Variants in TMPRSS11F observed in about 807,000 individuals in gnomAD.
TMPRSS11F encodes the protein transmembrane protease serine 11F.
TMPRSS11F carries 47 observed loss-of-function variants against 60.2 expected under a neutral mutation model. That is an observed-to-expected ratio of 0.78 (90% CI 0.62 to 1.00). The LOEUF is 1.00. Among genes scored for constraint, TMPRSS11F ranks in the 50% least tolerant of loss-of-function variants. The pLI is 0.00. For synonymous variants in TMPRSS11F, 166 were observed against 167.3 expected (o/e 0.99, Z 0.06); for missense variants, 519 against 522.9 (o/e 0.99, Z 0.07).
chr4:68,108,890 C>G (rs923924954), intron 1 of TMPRSS11F, among the ~76,000 whole-genome samples: 1 of 151,960 alleles, frequency 6.6e-6, no homozygotes, highest in Non-Finnish European at 1.5e-5. Context: ...TTTATTTTAC[C>G]CAGGACCTGA....
In TMPRSS11F at chr4:68,068,780, G is replaced by A. The variant is rs567771999; in HGVS notation, c.593C>T (p.Pro198Leu). Residue 198 changes from proline (P) to leucine (L), a missense_variant, in exon 7 of 10, where the codon CCA (proline) becomes CTA (leucine). By Grantham distance (98) the Pro-to-Leu change is moderately conservative. Transcript: ENST00000356291. ...IRMTSSNMPL[P>L]ASSSTQRIVQ... ...AATTCTTTGAGTAGAAGAGGATGCT[G>A]GTAATGGCATGTTTGAAGATGTCAT... 31 of 1,614,182 alleles carry A rather than the reference G, an allele frequency of 1.9e-5. No homozygotes were observed. The African/African-American group carries it at 3.6e-4, about 19-fold the overall frequency.
chr4:68,084,458 G>A (rs1054178818), intron 3 of TMPRSS11F, among the ~76,000 whole-genome samples: 4 of 152,134 alleles, frequency 2.6e-5, no homozygotes, highest in East Asian at 1.9e-4. Context: ...ACCTAATCAG[G>A]CCATCTCAGC....
chr4:68,084,622 C>T (rs575334556), intron 3 of TMPRSS11F, among the ~76,000 whole-genome samples: 8 of 152,252 alleles, frequency 5.3e-5, no homozygotes, highest in South Asian at 4.1e-4. Flanking sequence ...TAAGAGAATT[C>T]GTTACCACTA....
At chr4:68,087,260 C>T (rs1723832284) in intron 3 of TMPRSS11F, among the ~76,000 whole-genome samples, 1 of 152,090 alleles carries the variant, frequency 6.6e-6, no homozygotes, top group Non-Finnish European at 1.5e-5. Context: ...GAATTAAAAA[C>T]AGAATGATCA....
chr4:68,108,609 A>C (rs1273635718), intron 1 of TMPRSS11F, among the ~76,000 whole-genome samples: 1 of 152,196 alleles, frequency 6.6e-6, no homozygotes, highest in Non-Finnish European at 1.5e-5. Context: ...CATGCCATGT[A>C]CCCAATGAGC....
At chr4:68,056,326 T>A (rs1451412573) in intron 9 of TMPRSS11F, among the ~76,000 whole-genome samples, 2 of 152,050 alleles carry the variant, frequency 1.3e-5, no homozygotes, top group African/African-American at 4.8e-5. Flanking sequence ...TTCAGTAAGT[T>A]TGCAGAATAC....
intron 3 of TMPRSS11F, chr4:68,077,729 C>T (rs929979427): frequency 1.3e-5 from 2 of 152,216 alleles, no homozygotes; most frequent in South Asian, 2.1e-4. Context: ...AGTACCAGTA[C>T]GATTCACAAG....
chr4:68,105,049 G>GTTTTTTTTTTTTTTTTTTT (rs34041075), intron 1 of TMPRSS11F, among the ~76,000 whole-genome samples: 1 of 55,168 alleles, frequency 1.8e-5, no homozygotes, highest in Non-Finnish European at 3.1e-5. Context: ...TTCCCTCTAG[G>GTTTTTTTTTTTTTTTTTTT]TTTTTTTTTT....
chr4:68,066,588 G>A (rs1288081358), intron 7 of TMPRSS11F, among the ~76,000 whole-genome samples: 2 of 152,096 alleles, frequency 1.3e-5, no homozygotes, highest in Admixed American at 6.6e-5. Context: ...AGGTTTTAAG[G>A]TTTGTCTTAA....
rs55977674 is a variant in TMPRSS11F, at chr4:68,087,909, C to T, written c.282+2614G>A. 8.9e-3 allele frequency among the ~76,000 whole-genome samples: 1,243 copies of T among 139,250 alleles called. 22 individuals are homozygous for T. The highest frequency in any genetic ancestry group is 0.032 in the African/African-American group (1,181 of 37,354). The allele number at this position is 139,250 out of a possible 152,430, so 91.4% of individuals were successfully genotyped here. On this transcript the variant is annotated intron_variant, in intron 3 of 9. Coordinates refer to ENST00000356291, the MANE Select transcript of TMPRSS11F (RefSeq NM_207407.2). ...AACAGTCCTCAGAGTGTGATGTTCC[C>T]CTTCCTGTGTCCATGTGTTCTCATT...
chr4:68,115,514 C>T lies in TMPRSS11F; in HGVS notation c.11+14296G>A, dbSNP rs79186235. The stretch of plus-strand genomic sequence containing the variant: ...AGCAAGGATGTCTGCTCTTATCACT[C>T]CTATTTGTATTGGAAGTCTTAGCCA... On this transcript the variant is annotated intron_variant, in intron 1 of 9. Transcript: ENST00000356291. 1.8e-4 allele frequency among the ~76,000 whole-genome samples: 27 copies of T among 152,164 alleles called. No homozygotes were observed. The East Asian group carries it at 5.0e-3, about 28-fold the overall frequency.
At chr4:68,095,887 T>G (rs1724064028) in intron 2 of TMPRSS11F, among the ~76,000 whole-genome samples, 1 of 92,268 alleles carries the variant, frequency 1.1e-5, no homozygotes, top group South Asian at 4.5e-4. Flanking sequence ...CAGAGCAAGA[T>G]TCCATCTCAA....
In TMPRSS11F at chr4:68,076,001, GAA is replaced by G. The variant is rs796383675; in HGVS notation, c.283-1994_283-1993del. 1.3e-3 allele frequency among the ~76,000 whole-genome samples: 163 copies of G among 122,148 alleles called. 2 individuals carry two copies. The highest frequency in any genetic ancestry group is 4.7e-3 in the African/African-American group (162 of 34,308). 80.1% of individuals were successfully genotyped at this position (122,148 alleles called of 152,430 possible). ...GAGTGAGACTCTGTCTCCAAAAAAA[GAA>G]AAAAAAAAAAGAATAAAGAACACTT... On this transcript the variant is annotated intron_variant, in intron 3 of 9. Coordinates refer to ENST00000356291, the MANE Select transcript of TMPRSS11F (RefSeq NM_207407.2).
chr4:68,100,901 T>G (rs1006787020), intron 1 of TMPRSS11F, among the ~76,000 whole-genome samples: 1 of 152,186 alleles, frequency 6.6e-6, no homozygotes, highest in African/African-American at 2.4e-5. Flanking sequence ...AATCGAAGTC[T>G]CTATTTCCAA....
intron 7 of TMPRSS11F, 66 bp from the exon 8 acceptor site, chr4:68,065,010 T>C (rs1723295749): frequency 1.4e-6 from 2 of 1,468,582 alleles, no homozygotes; most frequent in Non-Finnish European, 1.8e-6. Flanking sequence ...ACTGAGACTG[T>C]ATTTCTTCCC....
At chr4:68,062,763 C>A (rs775313829) in intron 8 of TMPRSS11F, 5 of 742,488 alleles carry the variant, frequency 6.7e-6, no homozygotes, top group South Asian at 6.7e-5. Flanking sequence ...TCCTTGTATA[C>A]TGGATTTGGC....
rs147672928 is a variant in TMPRSS11F at position 68,064,848 on chromosome 4, A to T, written c.852T>A (p.Asn284Lys). 1.4e-5 allele frequency: 22 copies of T among 1,613,998 alleles called. No homozygotes were observed. The African/African-American group carries it at 2.7e-4, about 20-fold the overall frequency. The change falls in exon 8 of 10, where the codon AAT becomes AAA. Residue 284 changes from asparagine to lysine, a missense_variant. Transcript: ENST00000356291. ...CATTTTCATTTGTTTCTCTATGGTA[A>T]TTCTCATGAAGAATAATTTTCCTCA... Reference protein sequence around the residue: ...RNVRKIILHENYHRETNENDI... With the variant: ...RNVRKIILHEKYHRETNENDI...
intron 3 of TMPRSS11F, among the ~76,000 whole-genome samples, chr4:68,076,245 C>T (rs1269230261): frequency 6.6e-6 from 1 of 152,150 alleles, no homozygotes; most frequent in Non-Finnish European, 1.5e-5. Context: ...CATATAATTA[C>T]CATTTCTAGT....
In TMPRSS11F at chr4:68,093,421, A is replaced by G. The variant is rs57031408; in HGVS notation, c.164-2780T>C. 9.1e-3 allele frequency among the ~76,000 whole-genome samples: 1,382 copies of G among 152,172 alleles called. 25 individuals carry two copies. The highest frequency in any genetic ancestry group is 0.032 in the African/African-American group (1,312 of 41,532). ...TTCAAGATGGATTAAAGACTTAAAC[A>G]TTAGACCTAAAACCATAAAAACCCT... On this transcript the variant is annotated intron_variant, in intron 2 of 9. Coordinates refer to ENST00000356291, the MANE Select transcript of TMPRSS11F (RefSeq NM_207407.2).
Sources: allele counts gnomAD v4.1 joint callset (sites outside exome capture counted in the v4.1 genomes callset), GRCh38; gene constraint gnomAD v4.1.1; transcripts MANE v1.5; gene names NCBI Gene and HGNC (gene_info 2026-07-23, HGNC 2026-07-21).